SAXO5: variants seen among roughly 807,000 people sequenced by gnomAD.
SAXO5 encodes stabilizer of axonemal microtubules 5, also known as testis expressed 45.
At chr19:7,498,550 C>T in the SAXO5 span, among the ~76,000 whole-genome samples, 1 of 152,052 alleles carries the variant, frequency 6.6e-6, no homozygotes, top group South Asian at 2.1e-4. Flanking sequence ...GCATGCGCCA[C>T]CACGCCTGAC....
At chr19:7,505,451 C>G in the SAXO5 span, 116 of 1,613,460 alleles carry the variant, frequency 7.2e-5, no homozygotes, top group Non-Finnish European at 9.4e-5. Context: ...GAGCCTGAGG[C>G]CCGCCCCGTC....
chr19:7,502,410 C>T, the SAXO5 span, among the ~76,000 whole-genome samples: 1 of 152,118 alleles, frequency 6.6e-6, no homozygotes, highest in Non-Finnish European at 1.5e-5. Flanking sequence ...GAGCCCAGCC[C>T]TTACAAAATA....
the SAXO5 span, chr19:7,506,470 C>T: frequency 4.4e-6 from 2 of 456,562 alleles, no homozygotes; most frequent in Non-Finnish European, 8.1e-6. Context: ...TAACTCCATC[C>T]TTCTGGACAC....
chr19:7,508,129 T>G, the SAXO5 span: 1 of 1,272,188 alleles, frequency 7.9e-7, no homozygotes, highest in East Asian at 2.4e-5. Context: ...TCATCAGGCC[T>G]GGAGATCCTG....
chr19:7,500,476 TAA>T, the SAXO5 span, among the ~76,000 whole-genome samples: 3,675 of 151,954 alleles, frequency 0.024, 141 homozygotes, highest in African/African-American at 0.082. Context: ...TAATTTTTTT[TAA>T]AAATTATTTT....
the SAXO5 span, chr19:7,505,292 T>A: frequency 2.0e-4 from 326 of 1,607,488 alleles, no homozygotes; most frequent in African/African-American, 3.5e-3. Context: ...CCACTTTACC[T>A]TATTCTTGAT....
chr19:7,501,309 G>A, the SAXO5 span: 2 of 1,571,628 alleles, frequency 1.3e-6, no homozygotes, highest in South Asian at 1.1e-5. Flanking sequence ...TGGCGACCGC[G>A]ACAAGTTGCG....
At chr19:7,501,227 C>G in the SAXO5 span, 22 of 1,550,892 alleles carry the variant, frequency 1.4e-5, no homozygotes, top group South Asian at 4.7e-5. Context: ...ACGGCTGGCC[C>G]GAGCTGCCGG....
the SAXO5 span, chr19:7,506,684 C>T: frequency 2.8e-6 from 1 of 359,672 alleles, no homozygotes; most frequent in Non-Finnish European, 5.2e-6. Context: ...CCAGCTCCTC[C>T]CTCTTCCCAA....
At chr19:7,499,595 T>C in the SAXO5 span, 2 of 152,636 alleles carry the variant, frequency 1.3e-5, no homozygotes, top group African/African-American at 4.8e-5. Context: ...CTCCAAGTTC[T>C]AGAATCAGAG....
chr19:7,506,265 C>CCCCCATGGAGCCCCGA, the SAXO5 span: 1 of 1,046,230 alleles, frequency 9.6e-7, no homozygotes, highest in Non-Finnish European at 1.4e-6. Context: ...TGGAGCCCCG[C>CCCCCATGGAGCCCCGA]CCCCACGGAG....
chr19:7,502,424 AT>A, the SAXO5 span, among the ~76,000 whole-genome samples: 2 of 152,154 alleles, frequency 1.3e-5, no homozygotes, highest in Admixed American at 6.5e-5. Flanking sequence ...CAAAATAAAA[AT>A]TTAAAAAGAT....
chr19:7,505,607 T>A, the SAXO5 span: 1 of 1,614,070 alleles, frequency 6.2e-7, no homozygotes, highest in African/African-American at 1.3e-5. Context: ...GACACCTTCA[T>A]GCAGTACTTC....
At chr19:7,504,426 C>A in the SAXO5 span, 11 of 1,604,256 alleles carry the variant, frequency 6.9e-6, no homozygotes, top group Non-Finnish European at 9.4e-6. Context: ...AAAGGGGCCA[C>A]TGCGGGCACG....
At chr19:7,506,156 G>A in the SAXO5 span, 2 of 1,603,682 alleles carry the variant, frequency 1.2e-6, no homozygotes, top group Non-Finnish European at 1.7e-6. Context: ...CCTGCCGCGG[G>A]GCACGGGCGG....
chr19:7,500,407 T>C, the SAXO5 span, among the ~76,000 whole-genome samples: 1,214 of 152,230 alleles, frequency 8.0e-3, 23 homozygotes, highest in African/African-American at 0.027. Context: ...GTTCAAGCGA[T>C]TCTCCTGCCT....
the SAXO5 span, chr19:7,506,175 C>A: frequency 1.9e-6 from 3 of 1,581,438 alleles, no homozygotes; most frequent in Non-Finnish European, 2.6e-6. Context: ...GGTGAGCGCT[C>A]CCGGGAAGCC....
chr19:7,501,900 G>A, the SAXO5 span, among the ~76,000 whole-genome samples: 1 of 118,328 alleles, frequency 8.5e-6, no homozygotes, highest in African/African-American at 3.5e-5. Flanking sequence ...AAGGAAGGAA[G>A]GAAAACAAGA....
chr19:7,506,246 C>T, the SAXO5 span: 1 of 632,466 alleles, frequency 1.6e-6, no homozygotes, highest in African/African-American at 2.5e-5. Context: ...CCCATGGAGC[C>T]CCTCCCCATG....
Sources: gnomAD v4.1 joint callset for allele counts (sites outside exome capture counted in the v4.1 genomes callset) on GRCh38, gnomAD v4.1.1 for gene constraint, MANE v1.5 for transcripts, NCBI Gene and HGNC (gene_info 2026-07-23, HGNC 2026-07-21) for gene names.